The following GLRA1 variants were observed in gnomAD, a reference collection of about 807,000 sequenced individuals.
GLRA1 encodes the protein glycine receptor alpha 1.
GLRA1 carries 37 observed loss-of-function variants against 48.3 expected under a neutral mutation model. That is an observed-to-expected ratio of 0.77 (90% CI 0.59 to 1.01). GLRA1 has a LOEUF of 1.01. Among genes scored for constraint, GLRA1 ranks in the 50% least tolerant of loss-of-function variants. The pLI is 0.00. For synonymous variants in GLRA1, 196 were observed against 210.7 expected, an observed-to-expected ratio of 0.93 and a Z score of 0.60; for missense variants, 427 against 571.0, an observed-to-expected ratio of 0.75 and a Z score of 2.57.
At chr5:151,874,722 G>T (rs1407631636) in intron 3 of GLRA1, among the ~76,000 whole-genome samples, 1 of 152,154 alleles carries the variant, frequency 6.6e-6, no homozygotes, top group Non-Finnish European at 1.5e-5. Flanking sequence ...TAGGTAGGGG[G>T]GTGGAGAAGG....
chr5:151,851,279 A>G (rs560210318), intron 7 of GLRA1, 111 bp downstream of exon 7: 3 of 758,880 alleles, frequency 4.0e-6, no homozygotes, highest in Middle Eastern at 3.6e-4. Flanking sequence ...AGTATAGTAG[A>G]TAAATAAGTA....
chr5:151,924,096 G>A (rs1754946753), intron 1 of GLRA1, among the ~76,000 whole-genome samples: 1 of 152,194 alleles, frequency 6.6e-6, no homozygotes, highest in Non-Finnish European at 1.5e-5. Context: ...TCGGCACTGC[G>A]GTTAGGGAGA....
chr5:151,911,745 A>G (rs190885648), intron 1 of GLRA1, among the ~76,000 whole-genome samples: 2,185 of 151,510 alleles, frequency 0.014, 32 homozygotes, highest in Non-Finnish European at 0.019. Flanking sequence ...AGCTGGGACT[A>G]CAGGTGCCCG....
intron 1 of GLRA1, among the ~76,000 whole-genome samples, chr5:151,897,412 T>C (rs966547590): frequency 6.6e-5 from 10 of 152,278 alleles, no homozygotes; most frequent in African/African-American, 2.2e-4. Context: ...CACTCAATTG[T>C]TAAAATTTTC....
At chr5:151,889,555 G>A (rs1222492768) in intron 2 of GLRA1, among the ~76,000 whole-genome samples, 1 of 152,192 alleles carries the variant, frequency 6.6e-6, no homozygotes. Context: ...GACTGTGCTT[G>A]CCATTCCTGG....
At chr5:151,850,545 A>G in intron 7 of GLRA1, 1 of 1,139,094 alleles carries the variant, frequency 8.8e-7, no homozygotes, top group East Asian at 2.3e-5. Flanking sequence ...TATGATCCCA[A>G]GGGAGGCCTG....
rs1013318796 is a variant in GLRA1, at chr5:151,841,917, C to T, written c.912+9473G>A. ...ACTAAAAATACAAAAATTAGCTGAG[C>T]GTGGTGGCGTGTGCCTGTAATCCCA... On this transcript the variant is annotated intron_variant, in intron 7 of 8. Transcript: ENST00000274576. 4.6e-5 allele frequency among the ~76,000 whole-genome samples: 7 copies of T among 151,952 alleles called. 1 individual carries two copies. Among genetic ancestry groups the T allele is most frequent in the South Asian group, 4.2e-4 (2 of 4,810 alleles).
intron 1 of GLRA1, among the ~76,000 whole-genome samples, chr5:151,921,088 A>C (rs1239980863): frequency 1.3e-5 from 2 of 152,222 alleles, no homozygotes; most frequent in African/African-American, 4.8e-5. Flanking sequence ...ATCCAGTGCA[A>C]GGAAGCATCT....
chr5:151,825,588 G>A (rs1763253158), intron 8 of GLRA1, among the ~76,000 whole-genome samples: 1 of 152,216 alleles, frequency 6.6e-6, no homozygotes, highest in Non-Finnish European at 1.5e-5. Flanking sequence ...ATCTGGAGCT[G>A]CTTAGAGCTG....
chr5:151,913,728 C>A (rs1754673259), intron 1 of GLRA1, among the ~76,000 whole-genome samples: 1 of 152,216 alleles, frequency 6.6e-6, no homozygotes, highest in Non-Finnish European at 1.5e-5. Flanking sequence ...TCTGAAGCCA[C>A]ACTTCCTGGA....
intron 4 of GLRA1, among the ~76,000 whole-genome samples, chr5:151,857,876 A>G (rs1216716137): frequency 6.6e-6 from 1 of 152,242 alleles, no homozygotes; most frequent in Non-Finnish European, 1.5e-5. Flanking sequence ...TCATCAAGGC[A>G]ACTCCCTCAT....
At chr5:151,897,879 AATAG>A (rs1457896370) in intron 1 of GLRA1, among the ~76,000 whole-genome samples, 1 of 152,172 alleles carries the variant, frequency 6.6e-6, no homozygotes, top group African/African-American at 2.4e-5. Context: ...TATGTATACA[AATAG>A]ATGGATGTTT....
intron 1 of GLRA1, among the ~76,000 whole-genome samples, chr5:151,922,950 A>C (rs1314301855): frequency 6.6e-6 from 1 of 152,250 alleles, no homozygotes; most frequent in South Asian, 2.1e-4. Flanking sequence ...ACCTCCATAC[A>C]TTTGTAGTTC....
chr5:151,864,191 T>C (rs1753275559), intron 3 of GLRA1, among the ~76,000 whole-genome samples: 1 of 151,906 alleles, frequency 6.6e-6, no homozygotes, highest in African/African-American at 2.4e-5. Flanking sequence ...CACATCAGAG[T>C]GAACAGACTA....
intron 1 of GLRA1, among the ~76,000 whole-genome samples, chr5:151,903,541 C>T (rs1754411279): frequency 6.6e-6 from 1 of 152,156 alleles, no homozygotes; most frequent in African/African-American, 2.4e-5. Context: ...CAGCAGGTTC[C>T]AAAGTCTTGG....
intron 3 of GLRA1, among the ~76,000 whole-genome samples, chr5:151,877,730 T>A (rs1160605147): frequency 5.3e-5 from 8 of 152,186 alleles, no homozygotes; most frequent in Non-Finnish European, 1.5e-5. Context: ...AAGAGGAGTT[T>A]CCCTGCACAA....
At chr5:151,898,630 A>G (rs1754283236) in intron 1 of GLRA1, among the ~76,000 whole-genome samples, 1 of 152,166 alleles carries the variant, frequency 6.6e-6, no homozygotes, top group African/African-American at 2.4e-5. Context: ...GAGGAAAGAC[A>G]AGGAGGGGGC....
chr5:151,849,074 CTTTCTTTTCT>C (rs1752762124), intron 7 of GLRA1: 1 of 393,842 alleles, frequency 2.5e-6, no homozygotes, highest in African/African-American at 2.2e-5. Flanking sequence ...GGATTTCTTT[CTTTCTTTTCT>C]TTCCTTTTTA....
chr5:151,843,944 C>CA (rs1283418920), intron 7 of GLRA1, among the ~76,000 whole-genome samples: 1 of 152,112 alleles, frequency 6.6e-6, no homozygotes, highest in African/African-American at 2.4e-5. Context: ...CCAAGGCAGG[C>CA]AGATCACCTG....
Sources: allele counts gnomAD v4.1 joint callset (sites outside exome capture counted in the v4.1 genomes callset), GRCh38; gene constraint gnomAD v4.1.1; transcripts MANE v1.5; gene names NCBI Gene and HGNC (gene_info 2026-07-23, HGNC 2026-07-21).